Variants in WDR7 observed in about 807,000 individuals in gnomAD.
The protein encoded by WDR7 is WD repeat-containing protein 7.
Under a neutral mutation model 169.4 loss-of-function variants are expected in WDR7, and 46 were observed. The ratio of observed to expected loss-of-function variants is 0.27; its 90% CI spans 0.21 to 0.35. The LOEUF (loss-of-function observed/expected upper bound fraction) is 0.35, where lower values mean the gene tolerates loss of function less well. Among genes scored for constraint, WDR7 ranks in the 10% least tolerant of loss-of-function variants. WDR7 has a pLI of 1.00. For synonymous variants in WDR7, 612 were observed against 666.8 expected (o/e 0.92, Z 1.27); for missense variants, 1,534 against 1,859.3 (o/e 0.83, Z 3.22).
chr18:56,879,492 T>C (rs984298920), intron 20 of WDR7, among the ~76,000 whole-genome samples: 2 of 152,238 alleles, frequency 1.3e-5, no homozygotes, highest in South Asian at 4.1e-4. Flanking sequence ...AAATAATTTT[T>C]ATTAGATAGG....
intron 22 of WDR7, among the ~76,000 whole-genome samples, chr18:56,932,273 G>A (rs79997651): frequency 0.033 from 5,092 of 152,208 alleles, 302 homozygotes; most frequent in African/African-American, 0.12. Flanking sequence ...CCTCAGGTGC[G>A]CACACTGATG....
At chr18:56,960,778 G>A (rs947148059) in intron 25 of WDR7, among the ~76,000 whole-genome samples, 29 of 152,134 alleles carry the variant, frequency 1.9e-4, no homozygotes, top group African/African-American at 4.8e-4. Context: ...TTAAGGTAGA[G>A]TAATATTCTT....
chr18:57,022,935 C>T (rs1170781302), intron 27 of WDR7, among the ~76,000 whole-genome samples: 1 of 152,228 alleles, frequency 6.6e-6, no homozygotes, highest in Admixed American at 6.5e-5. Context: ...TGTCCTTAAT[C>T]CACAAGCTCA....
chr18:56,938,441 C>G, intron 23 of WDR7, 92 bp from the exon 24 acceptor site: 1 of 1,462,802 alleles, frequency 6.8e-7, no homozygotes. Context: ...TTATTTTTTT[C>G]TATAGTATTA....
chr18:56,966,576 T>C (rs918302915), intron 26 of WDR7, among the ~76,000 whole-genome samples: 4 of 152,148 alleles, frequency 2.6e-5, no homozygotes, highest in Non-Finnish European at 5.9e-5. Flanking sequence ...TGTCAACTTA[T>C]TGGTTAAGGC....
intron 14 of WDR7, among the ~76,000 whole-genome samples, chr18:56,743,392 G>A (rs2043648947): frequency 5.9e-5 from 9 of 152,156 alleles, no homozygotes; most frequent in Admixed American, 5.9e-4. Flanking sequence ...AACCTTAAGG[G>A]AGGAGGAAAA....
At chr18:56,964,058 G>A (rs892679721) in intron 26 of WDR7, among the ~76,000 whole-genome samples, 15 of 151,782 alleles carry the variant, frequency 9.9e-5, no homozygotes, top group Non-Finnish European at 1.9e-4. Flanking sequence ...GAAGAGTGAG[G>A]CAGTGTGAGC....
At chr18:56,728,183 C>T (rs1027032961) in intron 13 of WDR7, among the ~76,000 whole-genome samples, 1 of 152,186 alleles carries the variant, frequency 6.6e-6, no homozygotes, top group Non-Finnish European at 1.5e-5. Context: ...CTAGAGTTTA[C>T]TTAGGTCACT....
At chr18:56,905,298 A>C (rs1012962313) in intron 21 of WDR7, among the ~76,000 whole-genome samples, 5 of 152,010 alleles carry the variant, frequency 3.3e-5, no homozygotes, top group Admixed American at 6.6e-5. Flanking sequence ...ACAGTTTTGC[A>C]CCACCACACC....
In WDR7 at chr18:56,691,347, C is replaced by T. The variant is rs750551711; in HGVS notation, c.849C>T (p.Tyr283=). The T allele has an allele frequency of 3.7e-5, 59 of 1,591,954 alleles. No homozygotes were observed. The highest frequency in any genetic ancestry group is 4.8e-5 in the Non-Finnish European group (56 of 1,175,122). Residue 283 remains tyrosine, a synonymous_variant, in exon 8 of 28, where the codon TAC becomes TAT. Coordinates refer to ENST00000254442, the MANE Select transcript of WDR7 (RefSeq NM_015285.3). ...CAGAAAATGGGCAAAGTTATATTTA[C>T]AAACTACCTGCCAGGTATGCAGCAA... The part of the protein sequence containing the change: ...IWTENGQSYI[Y]KLPASCLPAS...
chr18:56,673,186 C>T (rs2025172777), intron 2 of WDR7, among the ~76,000 whole-genome samples: 1 of 151,522 alleles, frequency 6.6e-6, no homozygotes, highest in Non-Finnish European at 1.5e-5. Flanking sequence ...CACACACACA[C>T]GTTCACACTG....
intron 26 of WDR7, among the ~76,000 whole-genome samples, chr18:56,977,775 A>G (rs1242839439): frequency 6.6e-6 from 1 of 152,222 alleles, no homozygotes; most frequent in Non-Finnish European, 1.5e-5. Context: ...AAACATCTAC[A>G]TAAGTAAAAT....
chr18:56,891,561 TA>T (rs11308173), intron 21 of WDR7, among the ~76,000 whole-genome samples: 123,386 of 151,992 alleles, frequency 0.81, 50,525 homozygotes, highest in East Asian at 0.98. Flanking sequence ...ATATAGTTTT[TA>T]ATCTTCGTAA....
intron 21 of WDR7, among the ~76,000 whole-genome samples, chr18:56,888,835 G>A (rs899633394): frequency 1.3e-5 from 2 of 152,156 alleles, no homozygotes; most frequent in African/African-American, 2.4e-5. Context: ...TTGTGTGCAG[G>A]GGTATTCTTA....
chr18:56,654,442 T>C (rs1211329226), intron 1 of WDR7, among the ~76,000 whole-genome samples: 2 of 152,200 alleles, frequency 1.3e-5, no homozygotes, highest in African/African-American at 2.4e-5. Flanking sequence ...ATCTGAGTAT[T>C]TCTTCATGTG....
chr18:56,947,179 A>C (rs887942336), intron 25 of WDR7, among the ~76,000 whole-genome samples: 2 of 152,244 alleles, frequency 1.3e-5, no homozygotes, highest in Admixed American at 1.3e-4. Flanking sequence ...ATCAAACTGC[A>C]TCCATTTTAA....
chr18:56,694,674 A>G lies in WDR7; in HGVS notation c.1022A>G (p.His341Arg). ...TTCTATGGATGCAGAGAATATTTCC[A>G]TAAACTGTTAATTCAGGGTGATTCT... The part of the protein sequence containing the change: ...RFFYGCREYF[H>R]KLLIQGDSSG... Residue 341 changes from histidine (H) to arginine (R), a missense_variant, in exon 10 of 28, where the codon CAT (histidine) becomes CGT (arginine). By Grantham distance (29) the His-to-Arg change is conservative. Coordinates refer to ENST00000254442, the MANE Select transcript of WDR7 (RefSeq NM_015285.3). 1 of 1,613,420 alleles carries G rather than the reference A, an allele frequency of 6.2e-7. No individual in the cohort carries two copies. Among genetic ancestry groups the G allele is most frequent in the Non-Finnish European group, 8.5e-7 (1 of 1,179,606 alleles).
rs988168010 is a variant in WDR7 at position 56,796,253 on chromosome 18, G to C, written c.3190+14597G>C. 4.6e-5 allele frequency among the ~76,000 whole-genome samples: 7 copies of C among 152,192 alleles called. No homozygotes were observed. The East Asian group carries it at 1.3e-3, about 29-fold the overall frequency. Reference sequence around the variant, plus strand: ...CTTCAGGCAACTAAGAGGTTTCACTGTGAGGATATCTTCCTCCTTCACCTC... The same window carrying C: ...CTTCAGGCAACTAAGAGGTTTCACTCTGAGGATATCTTCCTCCTTCACCTC... On this transcript the variant is annotated intron_variant, in intron 19 of 27. Coordinates refer to ENST00000254442, the MANE Select transcript of WDR7 (RefSeq NM_015285.3).
At chr18:56,745,325 G>A (rs2043685836) in intron 14 of WDR7, among the ~76,000 whole-genome samples, 1 of 152,084 alleles carries the variant, frequency 6.6e-6, no homozygotes, top group Non-Finnish European at 1.5e-5. Context: ...TAAAATATTT[G>A]TACCATTACT....
Sources: gnomAD v4.1 joint callset for allele counts (sites outside exome capture counted in the v4.1 genomes callset) on GRCh38, gnomAD v4.1.1 for gene constraint, MANE v1.5 for transcripts, NCBI Gene and HGNC (gene_info 2026-07-23, HGNC 2026-07-21) for gene names.